Variants in CPNE4 observed in about 807,000 individuals in gnomAD.
CPNE4 encodes the protein copine 4, also known as copine-4.
CPNE4 carries 25 observed loss-of-function variants against 67.9 expected under a neutral mutation model. That is an observed-to-expected ratio of 0.37 (90% confidence interval 0.27 to 0.51). CPNE4 has a LOEUF of 0.51. CPNE4 is among the 20% of genes least tolerant of loss of function. The probability of loss-of-function intolerance (pLI) is 0.93; values close to 1 mark genes in which losing one functional copy is unlikely to be tolerated. For missense variants in CPNE4, 464 were observed against 690.8 expected (o/e 0.67, Z 3.68); for synonymous variants, 242 against 244.9 (o/e 0.99, Z 0.11).
At chr3:131,783,922 T>C (rs1302383777) in intron 2 of CPNE4, among the ~76,000 whole-genome samples, 1 of 152,114 alleles carries the variant, frequency 6.6e-6, no homozygotes, top group East Asian at 1.9e-4. Context: ...CAGATTCTAT[T>C]TCAGGTTTTC....
intron 11 of CPNE4, among the ~76,000 whole-genome samples, chr3:131,558,171 A>C (rs1936568452): frequency 1.3e-5 from 2 of 152,006 alleles, no homozygotes; most frequent in African/African-American, 4.8e-5. Flanking sequence ...ATGAGCCAGG[A>C]GGGATAAATT....
chr3:131,799,903 C>CGTGTGTGT lies in CPNE4; in HGVS notation c.181-76286_181-76279dup, dbSNP rs137858174. 3.0e-3 allele frequency among the ~76,000 whole-genome samples: 415 copies of CGTGTGTGT among 136,142 alleles called. 2 individuals are homozygous for CGTGTGTGT. Among genetic ancestry groups the CGTGTGTGT allele is most frequent in the East Asian group, 0.02 (94 of 4,658 alleles). 89.3% of individuals were successfully genotyped at this position (136,142 alleles called of 152,430 possible). On this transcript the variant is annotated intron_variant, in intron 2 of 15. Coordinates refer to ENST00000429747, the MANE Select transcript of CPNE4 (RefSeq NM_130808.3). ...TCAGGTGGATTGTTTTTTGTTGGTG[C>CGTGTGTGT]GTGTGTGTGTGTGTGTTGTGTGTGT...
chr3:131,564,432 G>A (rs749975193), intron 10 of CPNE4, 83 bp from the exon 11 acceptor site: 137 of 1,355,682 alleles, frequency 1.0e-4, no homozygotes, highest in Non-Finnish European at 1.3e-4. Context: ...GAGAGACCTG[G>A]CCTCGGGTCA....
At chr3:131,597,523 A>T (rs1938954963) in intron 7 of CPNE4, among the ~76,000 whole-genome samples, 1 of 152,332 alleles carries the variant, frequency 6.6e-6, no homozygotes, top group African/African-American at 2.4e-5. Context: ...TCAGAGTTCA[A>T]ATGATCTGAA....
chr3:131,591,821 G>A (rs1004542205), intron 7 of CPNE4, among the ~76,000 whole-genome samples: 6 of 152,168 alleles, frequency 3.9e-5, no homozygotes, highest in African/African-American at 1.2e-4. Flanking sequence ...AGCTGACAGA[G>A]GAACGCATCT....
At chr3:132,001,611 G>GAAAGA (rs1560766101) in intron 1 of CPNE4, among the ~76,000 whole-genome samples, 1 of 146,024 alleles carries the variant, frequency 6.8e-6, no homozygotes, top group African/African-American at 2.6e-5. Context: ...AAGAAAGAAA[G>GAAAGA]AAAGAAAATG....
intron 2 of CPNE4, among the ~76,000 whole-genome samples, chr3:131,893,418 G>A (rs762636475): frequency 5.3e-5 from 8 of 151,888 alleles, no homozygotes; most frequent in African/African-American, 1.4e-4. Flanking sequence ...ACAGGTCATC[G>A]AGACAAACAA....
intron 2 of CPNE4, among the ~76,000 whole-genome samples, chr3:131,814,562 T>C (rs534825965): frequency 1.4e-5 from 2 of 142,546 alleles, no homozygotes; most frequent in Non-Finnish European, 3.1e-5. Context: ...GCATAAAATA[T>C]TGAAATGCAA....
At chr3:131,905,705 A>T (rs1473544750) in intron 1 of CPNE4, among the ~76,000 whole-genome samples, 2 of 152,166 alleles carry the variant, frequency 1.3e-5, no homozygotes, top group African/African-American at 4.8e-5. Context: ...GCATAGTAAA[A>T]TTTTTAGCCT....
intron 2 of CPNE4, among the ~76,000 whole-genome samples, chr3:131,904,137 G>C (rs1357853322): frequency 6.6e-6 from 1 of 152,166 alleles, no homozygotes; most frequent in Non-Finnish European, 1.5e-5. Context: ...ACAGCAAACA[G>C]TGTGTGTTAG....
intron 2 of CPNE4, among the ~76,000 whole-genome samples, chr3:131,770,102 G>A (rs1393388331): frequency 6.6e-6 from 1 of 152,046 alleles, no homozygotes; most frequent in Non-Finnish European, 1.5e-5. Flanking sequence ...TCTTTTGTTT[G>A]TTTTCACAGC....
intron 7 of CPNE4, among the ~76,000 whole-genome samples, chr3:131,626,901 G>A (rs7611808): frequency 0.95 from 144,790 of 152,230 alleles, 68,991 homozygotes; most frequent in Middle Eastern, 1. Flanking sequence ...TTCCTTAAAA[G>A]TTATGCTAAA....
intron 2 of CPNE4, among the ~76,000 whole-genome samples, chr3:131,777,230 T>C (rs2083312381): frequency 6.6e-6 from 1 of 152,224 alleles, no homozygotes; most frequent in Non-Finnish European, 1.5e-5. Flanking sequence ...TAACCTCTCC[T>C]GAGTACTCAT....
At chr3:131,761,835 A>G (rs2082898399) in intron 2 of CPNE4, among the ~76,000 whole-genome samples, 2 of 152,182 alleles carry the variant, frequency 1.3e-5, no homozygotes, top group Non-Finnish European at 2.9e-5. Flanking sequence ...ATATCAGGGC[A>G]TTTCTCAAAA....
intron 1 of CPNE4, among the ~76,000 whole-genome samples, chr3:131,926,532 T>C (rs893364413): frequency 2.0e-5 from 3 of 152,030 alleles, no homozygotes; most frequent in Non-Finnish European, 4.4e-5. Flanking sequence ...ACAAGAAAAG[T>C]TTCTTGAGAA....
At chr3:131,691,565 C>G (rs1377426936) in intron 5 of CPNE4, among the ~76,000 whole-genome samples, 3 of 152,066 alleles carry the variant, frequency 2.0e-5, no homozygotes, top group Admixed American at 2.0e-4. Context: ...GGGAGGGGAG[C>G]AAGGGCTGAA....
At chr3:132,029,911 T>C (rs967269088) in intron 1 of CPNE4, among the ~76,000 whole-genome samples, 2 of 152,366 alleles carry the variant, frequency 1.3e-5, no homozygotes, top group African/African-American at 4.8e-5. Flanking sequence ...CTTTATTGAC[T>C]CAATTGTGAC....
chr3:131,773,996 G>A (rs1166821169), intron 2 of CPNE4, among the ~76,000 whole-genome samples: 1 of 152,106 alleles, frequency 6.6e-6, no homozygotes, highest in Non-Finnish European at 1.5e-5. Flanking sequence ...TAAGATAGCA[G>A]GGTGATACAT....
At chr3:131,795,867 G>C (rs1020254498) in intron 2 of CPNE4, among the ~76,000 whole-genome samples, 2 of 152,284 alleles carry the variant, frequency 1.3e-5, no homozygotes, top group African/African-American at 4.8e-5. Context: ...ACACACTCCT[G>C]TTCCCTTTTC....
Sources: gnomAD v4.1 joint callset for allele counts (sites outside exome capture counted in the v4.1 genomes callset) on GRCh38, gnomAD v4.1.1 for gene constraint, MANE v1.5 for transcripts, NCBI Gene and HGNC (gene_info 2026-07-23, HGNC 2026-07-21) for gene names.